Variants in CLYBL observed in about 807,000 individuals in gnomAD.
The protein encoded by CLYBL is citramalyl-CoA lyase, also known as citramalyl-CoA lyase, mitochondrial.
Under a neutral mutation model 38.9 loss-of-function variants are expected in CLYBL, and 31 were observed. The ratio of observed to expected loss-of-function variants is 0.80; its 90% CI spans 0.60 to 1.08. CLYBL has a LOEUF of 1.08. Among genes scored for constraint, CLYBL ranks in the 50% least tolerant of loss-of-function variants. CLYBL has a pLI of 0.00. For missense variants in CLYBL, 434 were observed against 411.6 expected (o/e 1.05, Z -0.47); for synonymous variants, 171 against 158.6 (o/e 1.08, Z -0.59).
At chr13:99,828,633 T>G (rs1351400040) in intron 2 of CLYBL, among the ~76,000 whole-genome samples, 2 of 152,190 alleles carry the variant, frequency 1.3e-5, no homozygotes. Context: ...TGTTGGCTAT[T>G]GCTAAGTGCG....
At chr13:99,888,290 TAAAAAG>T (rs1402705051) in intron 7 of CLYBL, among the ~76,000 whole-genome samples, 4 of 141,762 alleles carry the variant, frequency 2.8e-5, no homozygotes, top group African/African-American at 1.1e-4. Flanking sequence ...TTGCCACAAC[TAAAAAG>T]AAAAAGTTTT....
chr13:99,632,631 G>T (rs2046961409), intron 1 of CLYBL, among the ~76,000 whole-genome samples: 2 of 152,118 alleles, frequency 1.3e-5, no homozygotes, highest in South Asian at 4.1e-4. Context: ...TGTAGTCCCA[G>T]CTATTCAAGA....
intron 1 of CLYBL, among the ~76,000 whole-genome samples, chr13:99,731,082 CAAAA>C (rs764705741): frequency 7.0e-5 from 4 of 57,012 alleles, no homozygotes; most frequent in African/African-American, 1.5e-4. Flanking sequence ...GACTCTGTTT[CAAAA>C]AAAAAAAAAA....
At chr13:99,868,080 T>A (rs1438578879) in intron 6 of CLYBL, among the ~76,000 whole-genome samples, 1 of 151,540 alleles carries the variant, frequency 6.6e-6, no homozygotes, top group East Asian at 2.0e-4. Context: ...CGGGGAGTAT[T>A]AAATCGCTAA....
intron 1 of CLYBL, among the ~76,000 whole-genome samples, chr13:99,636,770 G>C (rs1247482603): frequency 1.3e-5 from 2 of 152,234 alleles, no homozygotes; most frequent in East Asian, 1.9e-4. Flanking sequence ...TCTACGAGGG[G>C]TAAGTAGGAA....
intron 2 of CLYBL, among the ~76,000 whole-genome samples, chr13:99,807,095 G>A (rs932954069): frequency 6.6e-6 from 1 of 152,196 alleles, no homozygotes; most frequent in Non-Finnish European, 1.5e-5. Flanking sequence ...TGGTATTCAA[G>A]GAGGAAAGTA....
chr13:99,740,353 TAC>T (rs2048732909), intron 1 of CLYBL, among the ~76,000 whole-genome samples: 1 of 152,220 alleles, frequency 6.6e-6, no homozygotes. Flanking sequence ...TGCTGTCCTG[TAC>T]CTTGCAGGGC....
chr13:99,619,309 G>A (rs1245433201), intron 1 of CLYBL, among the ~76,000 whole-genome samples: 3 of 152,278 alleles, frequency 2.0e-5, no homozygotes, highest in Admixed American at 2.0e-4. Flanking sequence ...CAGCAATAAG[G>A]CGCCATATTG....
At chr13:99,646,661 C>A (rs747866466) in intron 1 of CLYBL, among the ~76,000 whole-genome samples, 2 of 150,824 alleles carry the variant, frequency 1.3e-5, no homozygotes, top group African/African-American at 2.4e-5. Context: ...TGCAGGTGCC[C>A]GCTACCACAC....
chr13:99,840,252 TAAA>T (rs35149509), intron 2 of CLYBL, among the ~76,000 whole-genome samples: 9 of 145,816 alleles, frequency 6.2e-5, no homozygotes, highest in African/African-American at 1.5e-4. Context: ...CTCCTTTCCT[TAAA>T]AAAAAAAAAA....
In CLYBL at chr13:99,876,420, C is replaced by CAAA. The variant is rs35512772; in HGVS notation, c.927+5377_927+5379dup. On this transcript the variant is annotated intron_variant, in intron 7 of 8. Transcript: ENST00000339105. The stretch of plus-strand genomic sequence containing the variant: ...TGGGTGACAGAACAAGACTCCGTCT[C>CAAA]AAAAAAAAAAAAAAAAAAAAAGAGT... 2.0e-3 allele frequency among the ~76,000 whole-genome samples: 137 copies of CAAA among 69,564 alleles called. 1 individual carries two copies. Among genetic ancestry groups the CAAA allele is most frequent in the East Asian group, 6.9e-3 (17 of 2,450 alleles). The allele number at this position is 69,564 out of a possible 152,430, so 45.6% of individuals were successfully genotyped here. A position where few individuals can be genotyped will look rare whatever the true frequency, so the allele number is the denominator to read the frequency against.
intron 1 of CLYBL, among the ~76,000 whole-genome samples, chr13:99,617,260 T>C (rs1406107317): frequency 2.0e-5 from 3 of 152,114 alleles, no homozygotes; most frequent in Admixed American, 2.0e-4. Context: ...GTTTACTGTT[T>C]AACTCACAGT....
chr13:99,785,988 C>T (rs2049783846), intron 2 of CLYBL, among the ~76,000 whole-genome samples: 1 of 152,088 alleles, frequency 6.6e-6, no homozygotes, highest in South Asian at 2.1e-4. Flanking sequence ...TCCTCCCTCT[C>T]CACCTTGTCT....
At chr13:99,826,539 C>A (rs935559166) in intron 2 of CLYBL, among the ~76,000 whole-genome samples, 1 of 152,188 alleles carries the variant, frequency 6.6e-6, no homozygotes, top group Non-Finnish European at 1.5e-5. Flanking sequence ...CAATCCAACT[C>A]TCAGCAGTCC....
chr13:99,626,708 G>A (rs2046874815), intron 1 of CLYBL, among the ~76,000 whole-genome samples: 1 of 152,004 alleles, frequency 6.6e-6, no homozygotes, highest in Non-Finnish European at 1.5e-5. Context: ...TATGTACTTC[G>A]CTTCCTACAT....
chr13:99,814,234 A>G (rs770314518), intron 2 of CLYBL, among the ~76,000 whole-genome samples: 2 of 152,182 alleles, frequency 1.3e-5, no homozygotes, highest in Non-Finnish European at 2.9e-5. Context: ...TTAAATTGCC[A>G]TTCCCCTCTC....
At chr13:99,623,460 T>A (rs2046825846) in intron 1 of CLYBL, among the ~76,000 whole-genome samples, 1 of 152,162 alleles carries the variant, frequency 6.6e-6, no homozygotes, top group Non-Finnish European at 1.5e-5. Context: ...CCCTCCTACC[T>A]CTTTCTCTCA....
At chr13:99,813,359 CAG>C (rs1566337554) in intron 2 of CLYBL, among the ~76,000 whole-genome samples, 1 of 152,174 alleles carries the variant, frequency 6.6e-6, no homozygotes, top group Non-Finnish European at 1.5e-5. Flanking sequence ...CTTCACATGT[CAG>C]GGGTCAAGTG....
chr13:99,714,068 GC>G (rs1257236410), intron 1 of CLYBL, among the ~76,000 whole-genome samples: 1 of 152,064 alleles, frequency 6.6e-6, no homozygotes, highest in African/African-American at 2.4e-5. Flanking sequence ...GCTCATTGCA[GC>G]CTTGACCTCC....
Sources: allele counts gnomAD v4.1 joint callset (sites outside exome capture counted in the v4.1 genomes callset), GRCh38; gene constraint gnomAD v4.1.1; transcripts MANE v1.5; gene names NCBI Gene and HGNC (gene_info 2026-07-23, HGNC 2026-07-21).